The following WWC1 variants were observed in gnomAD, a reference collection of about 807,000 sequenced individuals.
The protein encoded by WWC1 is WW and C2 domain containing 1.
WWC1 carries 55 observed loss-of-function variants against 138.4 expected under a neutral mutation model. That is an observed-to-expected ratio of 0.40 (90% CI 0.32 to 0.50). The LOEUF (loss-of-function observed/expected upper bound fraction) is 0.50, where lower values mean the gene tolerates loss of function less well. Ranked by LOEUF, WWC1 falls within the 20% of genes least tolerant of loss-of-function variation. The probability of loss-of-function intolerance (pLI) is 0.72; values close to 1 mark genes in which losing one functional copy is unlikely to be tolerated. For synonymous variants in WWC1, 524 were observed against 564.9 expected (o/e 0.93, Z 1.03); for missense variants, 1,226 against 1,420.4 (o/e 0.86, Z 2.20).
At chr5:168,295,482 C>A (rs1010906291) in intron 1 of WWC1, among the ~76,000 whole-genome samples, 1 of 67,818 alleles carries the variant, frequency 1.5e-5, no homozygotes. Flanking sequence ...AATTTCTACT[C>A]CGTGTGTGTG....
intron 1 of WWC1, among the ~76,000 whole-genome samples, chr5:168,299,573 G>A (rs1380303685): frequency 1.3e-5 from 2 of 152,232 alleles, no homozygotes; most frequent in Non-Finnish European, 2.9e-5. Flanking sequence ...CCTCTCTGTC[G>A]CCATCCCTCC....
chr5:168,364,807 C>T (rs1776163781), intron 1 of WWC1, among the ~76,000 whole-genome samples: 1 of 152,210 alleles, frequency 6.6e-6, no homozygotes, highest in South Asian at 2.1e-4. Flanking sequence ...TCCGCCTCCA[C>T]TTCACCTGAA....
intron 1 of WWC1, among the ~76,000 whole-genome samples, chr5:168,307,508 T>C (rs12521661): frequency 0.12 from 17,590 of 151,958 alleles, 1,286 homozygotes; most frequent in Admixed American, 0.23. Context: ...TTTTTCTGAG[T>C]ACATTTGGTT....
chr5:168,363,947 G>C (rs953994937), intron 1 of WWC1, among the ~76,000 whole-genome samples: 1 of 152,128 alleles, frequency 6.6e-6, no homozygotes, highest in South Asian at 2.1e-4. Context: ...GGTGATGGTG[G>C]TGATGATAGC....
chr5:168,413,562 G>A (rs1780377623), intron 8 of WWC1, among the ~76,000 whole-genome samples: 1 of 152,146 alleles, frequency 6.6e-6, no homozygotes, highest in Non-Finnish European at 1.5e-5. Flanking sequence ...TTTAGTGCCT[G>A]CAATATACCA....
chr5:168,328,882 C>G (rs115974477), intron 1 of WWC1, among the ~76,000 whole-genome samples: 2,035 of 152,248 alleles, frequency 0.013, 45 homozygotes, highest in African/African-American at 0.046. Context: ...CTTGCATGAC[C>G]TCGGTGTCTG....
chr5:168,426,629 G>A (rs1781524417), intron 11 of WWC1, among the ~76,000 whole-genome samples: 1 of 152,216 alleles, frequency 6.6e-6, no homozygotes, highest in Non-Finnish European at 1.5e-5. Flanking sequence ...GGAGATGCGT[G>A]GGTCTGAAAG....
intron 1 of WWC1, among the ~76,000 whole-genome samples, chr5:168,318,339 T>C (rs1210845133): frequency 6.6e-6 from 1 of 152,182 alleles, no homozygotes; most frequent in Non-Finnish European, 1.5e-5. Flanking sequence ...AAAATATATG[T>C]AATATAAAAT....
chr5:168,443,156 T>G (rs1754944870), intron 16 of WWC1, among the ~76,000 whole-genome samples: 1 of 152,196 alleles, frequency 6.6e-6, no homozygotes, highest in Non-Finnish European at 1.5e-5. Flanking sequence ...TAACGGTTGT[T>G]CCCTCTGTCG....
Position 168,346,444 on chromosome 5 carries a change from A to C in WWC1, c.120-24980A>C, listed in dbSNP as rs561317623. On this transcript the variant is annotated intron_variant, in intron 1 of 22. Transcript: ENST00000265293. ...GCATGAGCAAGACCCTAAGACCCTC[A>C]AGAGACCCTCAGAAAATCTGTCCAG... Among the ~76,000 whole-genome samples, 15 of 152,254 alleles carry C rather than the reference A, an allele frequency of 9.9e-5. No homozygotes were observed. In the South Asian group the frequency reaches 2.9e-3, roughly 29 times the overall value.
At chr5:168,423,357 G>A (rs2152853036) in intron 10 of WWC1, among the ~76,000 whole-genome samples, 176 bp from the exon 11 acceptor site, 1 of 152,242 alleles carries the variant, frequency 6.6e-6, no homozygotes, top group African/African-American at 2.4e-5. Context: ...GCCATGTCTT[G>A]ATTATGTGGC....
intron 2 of WWC1, among the ~76,000 whole-genome samples, chr5:168,372,067 G>A (rs934158759): frequency 2.7e-5 from 4 of 150,304 alleles, no homozygotes; most frequent in African/African-American, 9.7e-5. Context: ...GTGTGTGTGT[G>A]TGTGTGTGTG....
chr5:168,335,844 A>C (rs1478654400), intron 1 of WWC1, among the ~76,000 whole-genome samples: 1 of 152,232 alleles, frequency 6.6e-6, no homozygotes, highest in Non-Finnish European at 1.5e-5. Context: ...TACTAAACTG[A>C]GGCTTAGAGA....
intron 1 of WWC1, among the ~76,000 whole-genome samples, chr5:168,316,995 A>G (rs10059667): frequency 0.053 from 8,035 of 152,304 alleles, 688 homozygotes; most frequent in African/African-American, 0.18. Context: ...GTGACAATAT[A>G]GTTCAAAAAT....
At chr5:168,321,739 G>A in intron 1 of WWC1, among the ~76,000 whole-genome samples, 1 of 152,102 alleles carries the variant, frequency 6.6e-6, no homozygotes, top group East Asian at 1.9e-4. Context: ...GTTTCTCCAT[G>A]TTGGTCAAGC....
intron 16 of WWC1, 31 bp from the exon 17 acceptor site, chr5:168,444,463 C>T (rs1466817067): frequency 1.3e-6 from 2 of 1,545,750 alleles, no homozygotes; most frequent in South Asian, 1.2e-5. Flanking sequence ...CTACATTGTA[C>T]CCAATGACCC....
intron 1 of WWC1, among the ~76,000 whole-genome samples, chr5:168,340,052 T>C (rs1773916246): frequency 7.0e-6 from 1 of 142,504 alleles, no homozygotes; most frequent in South Asian, 2.1e-4. Context: ...TTTCTTTCTT[T>C]CTTTCTTTTC....
chr5:168,449,662 C>G (rs374267405), intron 17 of WWC1, among the ~76,000 whole-genome samples: 2 of 150,564 alleles, frequency 1.3e-5, no homozygotes, highest in East Asian at 3.9e-4. Context: ...TGACCTCCAC[C>G]TCATGGGTTC....
chr5:168,329,385 G>A (rs1053746824), intron 1 of WWC1, among the ~76,000 whole-genome samples: 2 of 152,228 alleles, frequency 1.3e-5, no homozygotes, highest in South Asian at 2.1e-4. Flanking sequence ...ATTTAAAAGG[G>A]TTCTCTTTTT....
Sources: allele counts gnomAD v4.1 joint callset (sites outside exome capture counted in the v4.1 genomes callset), GRCh38; gene constraint gnomAD v4.1.1; transcripts MANE v1.5; gene names NCBI Gene and HGNC (gene_info 2026-07-23, HGNC 2026-07-21).